APC2: variants seen among roughly 807,000 people sequenced by gnomAD.
APC2 encodes the protein APC regulator of Wnt signaling pathway 2.
A neutral mutation model predicts 72.5 loss-of-function variants in APC2; 41 were observed. That is an observed-to-expected ratio of 0.57 (90% CI 0.44 to 0.73). The LOEUF (loss-of-function observed/expected upper bound fraction) is 0.73, where lower values mean the gene tolerates loss of function less well. Ranked by LOEUF, APC2 falls within the 30% of genes least tolerant of loss-of-function variation. The pLI is 0.00. For missense variants in APC2, 3,729 were observed against 3,403.4 expected, an observed-to-expected ratio of 1.10 and a Z score of -2.38; for synonymous variants, 1,898 against 1,612.0, an observed-to-expected ratio of 1.18 and a Z score of -4.25.
upstream of APC2, chr19:1,446,392 C>T: frequency 4.1e-6 from 4 of 982,546 alleles, no homozygotes; most frequent in Non-Finnish European, 4.8e-6. The surrounding 1 kb of genome is among the most constrained non-coding windows in gnomAD (Gnocchi z 6.1). Flanking sequence ...CGCGCAGGAA[C>T]GGGGCGGGGT....
chr19:1,461,580 C>T (rs983510803), intron 13 of APC2: 11 of 308,242 alleles, frequency 3.6e-5, no homozygotes, highest in East Asian at 7.3e-5. Flanking sequence ...GGGCCGGGCG[C>T]GGTGGCTCTT....
intron 9 of APC2, 29 bp downstream of exon 9, chr19:1,457,272 C>T (rs929793863): frequency 8.1e-6 from 12 of 1,490,154 alleles, no homozygotes; most frequent in African/African-American, 4.4e-5. Context: ...GGGCCCCCTC[C>T]GCGCAATTAA....
Position 1,453,421 on chromosome 19 carries a change from G to A in APC2, c.233-10G>A, listed in dbSNP as rs201592735. On this transcript the variant is annotated splice_polypyrimidine_tract_variant and intron_variant, in intron 3 of 14. Transcript: ENST00000590469. ...GGCCGCTGACCTCCGCCCTGTCCCC[G>A]CCCATCCAGCCCTACAGATGGACAT... The A allele has an allele frequency of 2.6e-5, 41 of 1,602,704 alleles. No homozygotes were observed. The East Asian group carries it at 3.8e-4, about 15-fold the overall frequency.
Position 1,466,549 on chromosome 19 carries a change from G to T in APC2, c.3248G>T (p.Gly1083Val). ...LSSLSSAGRPGPSEGGDLDDS... is the reference protein window; with the variant it reads ...LSSLSSAGRPVPSEGGDLDDS... ...TCGCTGTCCTCGGCCGGCCGCCCAG[G>T]CCCCAGCGAGGGTGGTGACCTGGAT... Residue 1083 changes from glycine to valine, a missense_variant, in exon 15 of 15, where the codon GGC (glycine) becomes GTC (valine). Gly to Val is a moderately radical substitution (Grantham distance 109, BLOSUM62 -3). Transcript: ENST00000590469. 3 of 1,583,258 alleles carry T rather than the reference G, an allele frequency of 1.9e-6. No homozygotes were observed. The highest frequency in any genetic ancestry group is 2.6e-6 in the Non-Finnish European group (3 of 1,172,632).
intron 14 of APC2, 145 bp downstream of exon 14, chr19:1,462,322 T>G (rs1247538824): frequency 1.3e-6 from 1 of 744,726 alleles, no homozygotes; most frequent in African/African-American, 1.8e-5. Flanking sequence ...TCCCAAATAC[T>G]GCGTGAGATA....
intron 10 of APC2, chr19:1,458,353 G>A (rs2145203630): frequency 8.9e-6 from 4 of 448,132 alleles, no homozygotes; most frequent in African/African-American, 2.0e-5. Context: ...GAAGGGCAAA[G>A]ATAGATAGAA....
chr19:1,456,512 C>T lies in APC2; in HGVS notation c.816+108C>T, dbSNP rs193230687. ...GCCCTCCCATGCCTCCATCCAGCAC[C>T]CCCTCGGGTGTAGGAAGGCCCCTCT... On this transcript the variant is annotated intron_variant, in intron 8 of 14. Coordinates refer to ENST00000590469, the MANE Select transcript of APC2 (RefSeq NM_005883.3). 9.7e-5 allele frequency: 116 copies of T among 1,196,844 alleles called. 1 individual carries two copies. The African/African-American group carries it at 1.6e-3, about 16-fold the overall frequency. 74.1% of individuals were successfully genotyped at this position (1,196,844 alleles called of 1,614,324 possible). A position where few individuals can be genotyped will look rare whatever the true frequency, so the allele number is the denominator to read the frequency against.
chr19:1,461,851 C>CA (rs370073075), intron 13 of APC2, 112 bp from the exon 14 acceptor site: 117,965 of 604,884 alleles, frequency 0.2, 2 homozygotes, highest in East Asian at 0.26. Context: ...GATTCCGTCT[C>CA]AAAAAAAAAA....
rs1451907796 is a variant in APC2 at position 1,468,514 on chromosome 19, G to A, written c.5213G>A (p.Gly1738Glu). 3.7e-6 allele frequency: 6 copies of A among 1,603,364 alleles called. No homozygotes were observed. The highest frequency in any genetic ancestry group is 1.6e-4 in the Middle Eastern group (1 of 6,062). Residue 1738 changes from glycine to glutamate, a missense_variant, in exon 15 of 15, where the codon GGA becomes GAA. By Grantham distance (98) the Gly-to-Glu change is moderately conservative. Coordinates refer to ENST00000590469, the MANE Select transcript of APC2 (RefSeq NM_005883.3). ...STLQPPKHRK[G>E]RQAEGEMGSA... ...CTACAGCCCCCCAAGCACAGGAAGG[G>A]ACGACAGGCGGAGGGAGAAATGGGC...
upstream of APC2, among the ~76,000 whole-genome samples, chr19:1,447,200 T>C (rs916610797): frequency 6.6e-6 from 1 of 152,148 alleles, no homozygotes; most frequent in Non-Finnish European, 1.5e-5. Context: ...CGGCGGGCCG[T>C]CTCTATCCTC....
Position 1,465,933 on chromosome 19 carries a change from G to A in APC2, c.2632G>A (p.Asp878Asn), listed in dbSNP as rs763429777. Residue 878 changes from aspartate (D) to asparagine (N), a missense_variant, in exon 15 of 15, where the codon GAC (aspartate) becomes AAC (asparagine). By Grantham distance (23) the Asp-to-Asn change is conservative. Coordinates refer to ENST00000590469, the MANE Select transcript of APC2 (RefSeq NM_005883.3). ...CGATAGCTTCAGCCTCAGCTCTGGA[G>A]ACCCGGGACAGGAGGCGCCACGGGA... ...SDDSFSLSSGDPGQEAPREGR... is the reference protein window; with the variant it reads ...SDDSFSLSSGNPGQEAPREGR... 2 of 1,585,548 alleles carry A rather than the reference G, an allele frequency of 1.3e-6. No homozygotes were observed. Among genetic ancestry groups the A allele is most frequent in the Non-Finnish European group, 8.5e-7 (1 of 1,170,784 alleles).
chr19:1,458,323 T>G (rs2083870787), intron 10 of APC2: 1 of 539,854 alleles, frequency 1.9e-6, no homozygotes, highest in Admixed American at 3.3e-5. Flanking sequence ...TCCCTGGGGC[T>G]CAGAACAGGG....
chr19:1,447,706 C>T (rs1394138745), upstream of APC2, among the ~76,000 whole-genome samples: 1 of 152,022 alleles, frequency 6.6e-6, no homozygotes, highest in East Asian at 1.9e-4. Flanking sequence ...AGATTTGGGG[C>T]CAAGGGCATC....
chr19:1,471,120 G>GGGA lies in APC2; in HGVS notation c.*909_*911dup, dbSNP rs2084127017. 1 of 152,372 alleles carries GGGA rather than the reference G, an allele frequency of 6.6e-6. No individual in the cohort carries two copies. The highest frequency in any genetic ancestry group is 1.5e-5 in the Non-Finnish European group (1 of 68,160). 9.4% of individuals were successfully genotyped at this position (152,372 alleles called of 1,614,324 possible). A position where few individuals can be genotyped will look rare whatever the true frequency, so the allele number is the denominator to read the frequency against. On this transcript the variant is annotated 3_prime_UTR_variant, in exon 15 of 15. Coordinates refer to ENST00000590469, the MANE Select transcript of APC2 (RefSeq NM_005883.3). ...CGAGGCCAATGGAAAGGAGACTGAG[G>GGGA]GGAGTCCCGGCAGTGAGCCCGAGGC...
In APC2 at chr19:1,468,938, C is replaced by A; in HGVS notation, c.5637C>A (p.Thr1879=). 6.5e-7 allele frequency: 1 copy of A among 1,543,532 alleles called. No homozygotes were observed. The highest frequency in any genetic ancestry group is 8.7e-7 in the Non-Finnish European group (1 of 1,151,704). ...CCCCCTCCTCCAGCTCCTCCCAGACCTCGCCCGCCTCCCAGCCCCTGCCCA... is the reference window on the plus strand; with the variant it reads ...CCCCCTCCTCCAGCTCCTCCCAGACATCGCCCGCCTCCCAGCCCCTGCCCA... The part of the protein sequence containing the change: ...AKTPSSSSSQ[T]SPASQPLPRK... Residue 1879 remains threonine (T), a synonymous_variant, in exon 15 of 15, where the codon ACC becomes ACA. Coordinates refer to ENST00000590469, the MANE Select transcript of APC2 (RefSeq NM_005883.3).
In APC2 at chr19:1,467,170, A is replaced by G. The variant is rs757598909; in HGVS notation, c.3869A>G (p.Gln1290Arg). 10 of 1,534,324 alleles carry G rather than the reference A, an allele frequency of 6.5e-6. No individual in the cohort carries two copies. The highest frequency in any genetic ancestry group is 8.8e-6 in the Non-Finnish European group (10 of 1,142,302). Reference sequence around the variant, plus strand: ...GCCTTGCACGAGCACTACGTGCAGCAGGACGTGGAGCTGCGGCTGCTGCCC... The same window carrying G: ...GCCTTGCACGAGCACTACGTGCAGCGGGACGTGGAGCTGCGGCTGCTGCCC... ...ALALHEHYVQ[Q>R]DVELRLLPSA... Residue 1290 changes from glutamine to arginine, a missense_variant, in exon 15 of 15, where the codon CAG (glutamine) becomes CGG (arginine). By Grantham distance (43) the Gln-to-Arg change is conservative. Transcript: ENST00000590469.
rs544613190 is a variant in APC2, at chr19:1,465,790, A to T, written c.2489A>T (p.Glu830Val). The change falls in exon 15 of 15, where the codon GAG becomes GTG. Residue 830 changes from glutamate to valine, a missense_variant. Glu to Val is a moderately radical substitution (Grantham distance 121). Transcript: ENST00000590469. The part of the protein sequence containing the change: ...PPTRRGGKEA[E>V]KDTSGEAAVA... ...ACCCGCCGAGGCGGCAAGGAGGCAG[A>T]GAAGGACACCAGTGGGGAGGCAGCC... 10 of 1,580,092 alleles carry T rather than the reference A, an allele frequency of 6.3e-6. No individual in the cohort carries two copies. The African/African-American group carries it at 1.4e-4, about 21-fold the overall frequency.
In APC2 at chr19:1,468,495, C is replaced by T; in HGVS notation, c.5194C>T (p.Pro1732Ser). ...SGLSVGSTLQ[P>S]PKHRKGRQAE... Reference sequence around the variant, plus strand: ...GCTGTCAGTGGGATCCACCCTACAGCCCCCCAAGCACAGGAAGGGACGACA... The same window carrying T: ...GCTGTCAGTGGGATCCACCCTACAGTCCCCCAAGCACAGGAAGGGACGACA... The change falls in exon 15 of 15, where the codon CCC becomes TCC. Residue 1732 changes from proline (P) to serine (S), a missense_variant. Coordinates refer to ENST00000590469, the MANE Select transcript of APC2 (RefSeq NM_005883.3). 6.2e-7 allele frequency: 1 copy of T among 1,604,494 alleles called. No homozygotes were observed. The highest frequency in any genetic ancestry group is 8.5e-7 in the Non-Finnish European group (1 of 1,176,666).
In APC2 at chr19:1,469,211, G is replaced by A. The variant is rs2145258251; in HGVS notation, c.5910G>A (p.Leu1970=). The part of the protein sequence containing the change: ...EAGPGARGGR[L]GLVRVASALS... ...GCCCGGGGGCGCGCGGGGGCCGCCT[G>A]GGCCTGGTGCGTGTGGCCTCAGCCC... The change falls in exon 15 of 15, where the codon CTG becomes CTA. Residue 1970 remains leucine, a synonymous_variant. Coordinates refer to ENST00000590469, the MANE Select transcript of APC2 (RefSeq NM_005883.3). 8.1e-6 allele frequency: 11 copies of A among 1,357,258 alleles called. 1 individual carries two copies. The South Asian group carries it at 1.5e-4, about 19-fold the overall frequency. 84.1% of individuals were successfully genotyped at this position (1,357,258 alleles called of 1,614,324 possible).
Sources: allele counts gnomAD v4.1 joint callset (sites outside exome capture counted in the v4.1 genomes callset), GRCh38; gene constraint gnomAD v4.1.1; non-coding constraint Gnocchi (gnomAD v3.1); transcripts MANE v1.5; gene names NCBI Gene and HGNC (gene_info 2026-07-23, HGNC 2026-07-21).